The following UPF1 variants were observed in gnomAD, a reference collection of about 807,000 sequenced individuals.
UPF1 encodes the protein regulator of nonsense transcripts 1.
In UPF1, 9 loss-of-function variants were observed where a neutral mutation model predicts 129.2. That is an observed-to-expected ratio of 0.07 (90% CI 0.04 to 0.12). UPF1 has a LOEUF of 0.12. Ranked by LOEUF, UPF1 falls within the 10% of genes least tolerant of loss-of-function variation. The pLI, the probability that UPF1 is intolerant of heterozygous loss-of-function variation, is 1.00. For missense variants in UPF1, 788 were observed against 1,525.3 expected, an observed-to-expected ratio of 0.52 and a Z score of 8.05; for synonymous variants, 649 against 644.9, an observed-to-expected ratio of 1.01 and a Z score of -0.10.
At chr19:18,837,834 C>CT (rs1265149812) in intron 1 of UPF1, among the ~76,000 whole-genome samples, 1 of 152,292 alleles carries the variant, frequency 6.6e-6, no homozygotes. Flanking sequence ...GGATTTTACT[C>CT]TGAGTGCATG....
chr19:18,837,818 G>A (rs2055499527), intron 1 of UPF1, among the ~76,000 whole-genome samples: 1 of 152,128 alleles, frequency 6.6e-6, no homozygotes, highest in Non-Finnish European at 1.5e-5. Context: ...TAGTCATCTC[G>A]TACTGGGATT....
intron 17 of UPF1, 143 bp downstream of exon 17, chr19:18,861,125 G>A: frequency 8.7e-7 from 1 of 1,147,076 alleles, no homozygotes; most frequent in African/African-American, 1.6e-5. Flanking sequence ...CACCCTCTGG[G>A]GAGGGCACAG....
chr19:18,856,415 G>C, intron 13 of UPF1, 115 bp downstream of exon 13: 1 of 1,012,544 alleles, frequency 9.9e-7, no homozygotes, highest in Non-Finnish European at 1.4e-6. Flanking sequence ...GAACTTAGAT[G>C]CTCTCTACTT....
At chr19:18,839,465 C>T (rs751906523) in intron 1 of UPF1, among the ~76,000 whole-genome samples, 4 of 152,150 alleles carry the variant, frequency 2.6e-5, no homozygotes, top group Non-Finnish European at 4.4e-5. Context: ...CAGTGCCTTG[C>T]TGTCTCTGAT....
Position 18,850,765 on chromosome 19 carries a change from G to A in UPF1, c.707G>A (p.Arg236His). ...CAGTGGCAGCCGCTGATCCAGGACC[G>A]CTGCTTCCTGTCCTGGCTGGTCAAG... Reference protein sequence around the residue: ...SSQWQPLIQDRCFLSWLVKIP... With the variant: ...SSQWQPLIQDHCFLSWLVKIP... The change falls in exon 5 of 24, where the codon CGC becomes CAC. Residue 236 changes from arginine to histidine, a missense_variant. This residue lies in a region of UPF1 where 227 missense variants were observed against 517.9 expected (regional missense o/e 0.44). Transcript: ENST00000262803. This position sits in a 1 kb window ranked among gnomAD's most constrained non-coding sequence, Gnocchi z 7.1. 1.2e-6 allele frequency: 2 copies of A among 1,611,358 alleles called. No homozygotes were observed. Among genetic ancestry groups the A allele is most frequent in the Non-Finnish European group, 1.7e-6 (2 of 1,179,290 alleles).
Position 18,852,014 on chromosome 19 carries a change from C to T in UPF1, c.811-121C>T, listed in dbSNP as rs1369545957. The stretch of plus-strand genomic sequence containing the variant: ...CTGCGCCAGAACCCCTCCATGCCAC[C>T]CACCGTGGCCCATTCTGAGAAGCGG... On this transcript the variant is annotated intron_variant, in intron 5 of 23. Coordinates refer to ENST00000262803, the MANE Select transcript of UPF1 (RefSeq NM_002911.4). 2.2e-6 allele frequency: 3 copies of T among 1,367,572 alleles called. No homozygotes were observed. The East Asian group carries it at 8.3e-5, about 38-fold the overall frequency. 84.7% of individuals were successfully genotyped at this position (1,367,572 alleles called of 1,614,324 possible). A position where few individuals can be genotyped will look rare whatever the true frequency, so the allele number is the denominator to read the frequency against.
chr19:18,839,960 G>A (rs1568269702), intron 1 of UPF1, among the ~76,000 whole-genome samples: 2 of 152,140 alleles, frequency 1.3e-5, no homozygotes, highest in Non-Finnish European at 2.9e-5. Flanking sequence ...GCAGAGGGGT[G>A]GGCACAGCAC....
chr19:18,849,846 G>A (rs376604402), intron 3 of UPF1: 12 of 567,918 alleles, frequency 2.1e-5, no homozygotes, highest in African/African-American at 1.9e-4. Flanking sequence ...TATGTGAACC[G>A]TGTTAAGGAA....
intron 1 of UPF1, among the ~76,000 whole-genome samples, chr19:18,836,777 G>A (rs893798405): frequency 1.8e-4 from 26 of 143,648 alleles, no homozygotes; most frequent in Middle Eastern, 3.7e-3. Context: ...TTTTGGAGAC[G>A]GAGTCTCGCT....
Position 18,832,418 on chromosome 19 carries a change from C to T in UPF1, c.209C>T (p.Ala70Val). The change falls in exon 1 of 24, where the codon GCG becomes GTG. Residue 70 changes from alanine (A) to valine (V), a missense_variant. Coordinates refer to ENST00000262803, the MANE Select transcript of UPF1 (RefSeq NM_002911.4). This position sits in a 1 kb window ranked among gnomAD's most constrained non-coding sequence, Gnocchi z 5.6. ...CCGGGCGGCGCGGGCGCGGGCGCTG[C>T]GGCGGGACAGCTCGACGCGCAGGTG... ...GGPGGAGAGA[A>V]AGQLDAQVGP... 2 of 997,570 alleles carry T rather than the reference C, an allele frequency of 2.0e-6. No individual in the cohort carries two copies. The highest frequency in any genetic ancestry group is 1.2e-6 in the Non-Finnish European group (1 of 838,802). 61.8% of individuals were successfully genotyped at this position (997,570 alleles called of 1,614,324 possible). A position where few individuals can be genotyped will look rare whatever the true frequency, so the allele number is the denominator to read the frequency against.
chr19:18,852,018 C>A (rs560320691), intron 5 of UPF1, 117 bp from the exon 6 acceptor site: 1 of 1,388,620 alleles, frequency 7.2e-7, no homozygotes, highest in Non-Finnish European at 9.5e-7. Context: ...TGCCACCCAC[C>A]GTGGCCCATT....
Position 18,850,010 on chromosome 19 carries a change from C to G in UPF1, c.462-65C>G, listed in dbSNP as rs563690181. The G allele has an allele frequency of 1.3e-4, 215 of 1,601,460 alleles. 1 individual carries two copies. In the South Asian group the frequency reaches 2.3e-3, roughly 18 times the overall value. ...GGTACCGGAACTTTTAACAGGGGCC[C>G]GAAAATTGGAAGTGGTGAAAAGCCA... On this transcript the variant is annotated intron_variant, in intron 3 of 23. Coordinates refer to ENST00000262803, the MANE Select transcript of UPF1 (RefSeq NM_002911.4). The surrounding 1 kb of genome is among the most constrained non-coding windows in gnomAD (Gnocchi z 7.1).
rs967615729 is a variant in UPF1 at position 18,867,973 on chromosome 19, C to T, written c.*1456C>T. 4.5e-5 allele frequency: 7 copies of T among 154,038 alleles called. No individual in the cohort carries two copies. The highest frequency in any genetic ancestry group is 6.4e-5 in the Admixed American group (1 of 15,636). 9.5% of individuals were successfully genotyped at this position (154,038 alleles called of 1,614,324 possible). A position where few individuals can be genotyped will look rare whatever the true frequency, so the allele number is the denominator to read the frequency against. ...GCTCTAGGGCTTTCGGTTTCCCCTT[C>T]TTCCGGTAGGCCGCGTAGAGGCATG... On this transcript the variant is annotated 3_prime_UTR_variant, in exon 24 of 24. Transcript: ENST00000262803.
rs201451077 is a variant in UPF1, at chr19:18,860,793, T to G, written c.2301-33T>G. ...GCCTCAGGGCTCGGGATCCCACAGG[T>G]GGAGCCCAGCACTGACAGCCTGGGT... On this transcript the variant is annotated intron_variant, in intron 16 of 23. Coordinates refer to ENST00000262803, the MANE Select transcript of UPF1 (RefSeq NM_002911.4). 5.0e-6 allele frequency: 8 copies of G among 1,609,532 alleles called. No individual in the cohort carries two copies. The African/African-American group carries it at 1.1e-4, about 21-fold the overall frequency.
chr19:18,849,961 T>A, intron 3 of UPF1, 114 bp from the exon 4 acceptor site: 4 of 1,349,404 alleles, frequency 3.0e-6, no homozygotes, highest in Non-Finnish European at 4.1e-6. Context: ...GAGGTGTGAC[T>A]GCCTCTGCTA....
chr19:18,840,705 T>C (rs2055532162), intron 1 of UPF1, among the ~76,000 whole-genome samples: 1 of 152,220 alleles, frequency 6.6e-6, no homozygotes, highest in South Asian at 2.1e-4. Flanking sequence ...TTCATGGCCT[T>C]GAGCTCTCCT....
chr19:18,855,354 C>A, intron 11 of UPF1, 112 bp downstream of exon 11: 1 of 1,175,532 alleles, frequency 8.5e-7, no homozygotes, highest in South Asian at 1.5e-5. Context: ...GAGCACGTGG[C>A]GGGTAGTGTC....
chr19:18,863,448 A>G lies in UPF1; in HGVS notation c.2611A>G (p.Ile871Val), dbSNP rs372653793. 251 of 1,613,380 alleles carry G rather than the reference A, an allele frequency of 1.6e-4. 3 individuals are homozygous for G. In the South Asian group the frequency reaches 2.3e-3, roughly 15 times the overall value. Residue 871 changes from isoleucine to valine, a missense_variant, in exon 19 of 24, where the codon ATC becomes GTC. Ile to Val is a conservative substitution (Grantham distance 29, BLOSUM62 3). This residue lies in a region of UPF1 where 140 missense variants were observed against 385.9 expected (regional missense o/e 0.36). Coordinates refer to ENST00000262803, the MANE Select transcript of UPF1 (RefSeq NM_002911.4). The stretch of plus-strand genomic sequence containing the variant: ...GCGCCCTTGTTGCAGGTATGGCGTC[A>G]TCATTGTGGGCAACCCGAAGGCACT... ...VALTRARYGVIIVGNPKALSK... is the reference protein window; with the variant it reads ...VALTRARYGVVIVGNPKALSK...
intron 1 of UPF1, among the ~76,000 whole-genome samples, chr19:18,841,559 C>T (rs918059361): frequency 3.3e-5 from 5 of 152,220 alleles, no homozygotes; most frequent in African/African-American, 4.8e-5. Flanking sequence ...CCCTGCGTTC[C>T]GAGCGGCCTC....
Sources: allele counts gnomAD v4.1 joint callset (sites outside exome capture counted in the v4.1 genomes callset), GRCh38; gene constraint gnomAD v4.1.1; regional missense constraint gnomAD v4.1.1; non-coding constraint Gnocchi (gnomAD v3.1); transcripts MANE v1.5; gene names NCBI Gene and HGNC (gene_info 2026-07-23, HGNC 2026-07-21).